Variants in ABCA9 observed in about 807,000 individuals in gnomAD.
ABCA9 encodes ATP-binding cassette sub-family A member 9.
A neutral mutation model predicts 205.3 loss-of-function variants in ABCA9; 183 were observed. The observed-to-expected ratio is 0.89, with a 90% CI of 0.79 to 1.01. ABCA9 has a LOEUF of 1.01. Ranked by LOEUF, ABCA9 falls within the 50% of genes least tolerant of loss-of-function variation. ABCA9 has a pLI of 0.00. For missense variants in ABCA9, 1,805 were observed against 1,912.4 expected (o/e 0.94, Z 1.05); for synonymous variants, 651 against 683.3 (o/e 0.95, Z 0.74).
At chr17:69,052,414 A>G (rs953967910) in intron 1 of ABCA9, among the ~76,000 whole-genome samples, 2 of 152,112 alleles carry the variant, frequency 1.3e-5, no homozygotes, top group African/African-American at 4.8e-5. Flanking sequence ...ACTAGAAGGT[A>G]AAAAAGAAAA....
upstream of ABCA9, among the ~76,000 whole-genome samples, chr17:69,062,759 C>G (rs921545275): frequency 2.6e-5 from 4 of 152,088 alleles, no homozygotes; most frequent in African/African-American, 9.7e-5. Context: ...ATGATGCACC[C>G]ACCTTGGCCC....
chr17:68,989,254 TCTCACACACACACA>T, intron 30 of ABCA9, 136 bp from the exon 31 acceptor site: 1 of 416,902 alleles, frequency 2.4e-6, no homozygotes, highest in Non-Finnish European at 4.3e-6. Context: ...TCTCTCTCTC[TCTCACACACACACA>T]CACACACACA....
At position 68,989,842 on chromosome 17, in the gene ABCA9, GT is replaced by G. The variant is rs1567918978; in HGVS notation, c.3925del (p.Thr1309GlnfsTer14). On this transcript the variant is annotated frameshift_variant, in exon 30 of 39. Transcript: ENST00000340001. LOFTEE classifies it high-confidence loss of function. ...CFSKRKKKIATRNVSFCVKKG... is the reference protein window; with the variant it reads ...CFSKRKKKIAXRNVSFCVKKG... ...TTTAACACAAAAAGAGACATTTCTT[GT>G]GGCAATTTTTTTCTTCCTTTTAGAA... The G allele has an allele frequency of 6.2e-7, 1 of 1,606,276 alleles. No homozygotes were observed. Among genetic ancestry groups the G allele is most frequent in the East Asian group, 2.2e-5 (1 of 44,796 alleles).
intron 26 of ABCA9, 76 bp downstream of exon 26, chr17:68,995,813 CTATCTA>C (rs775658466): frequency 1.1e-4 from 165 of 1,541,268 alleles, no homozygotes; most frequent in Non-Finnish European, 1.4e-4. Context: ...GCTGAGGACT[CTATCTA>C]TATTTTTGCA....
At chr17:69,063,707 G>A (rs983903109), upstream of ABCA9, among the ~76,000 whole-genome samples, 1 of 151,980 alleles carries the variant, frequency 6.6e-6, no homozygotes, top group African/African-American at 2.4e-5. Context: ...CAAGTAGCTG[G>A]AACTACAGGC....
rs144122311 is a variant in ABCA9, at chr17:69,011,989, A to T, written c.3134T>A (p.Ile1045Asn). Reference protein sequence around the residue: ...SFTPYIAMSSIGDYKKKAHSQ... With the variant: ...SFTPYIAMSSNGDYKKKAHSQ... ...AACTCTTCTTACTTTGTAGTCACCAATGCTGCTCATTGCAATGTATGGAGT... is the reference window on the plus strand; with the variant it reads ...AACTCTTCTTACTTTGTAGTCACCATTGCTGCTCATTGCAATGTATGGAGT... The change falls in exon 23 of 39, where the codon ATT (isoleucine) becomes AAT (asparagine). Residue 1045 changes from isoleucine to asparagine, a missense_variant. Transcript: ENST00000340001. 33 of 1,611,758 alleles carry T rather than the reference A, an allele frequency of 2.0e-5. 1 individual carries two copies. The Middle Eastern group carries it at 1.3e-3, about 65-fold the overall frequency.
At chr17:68,984,851 A>G (rs1318737155) in intron 34 of ABCA9, 34 bp downstream of exon 34, 1 of 1,613,682 alleles carries the variant, frequency 6.2e-7, no homozygotes, top group South Asian at 1.1e-5. Context: ...GGATCAATAC[A>G]CTCATGCAGA....
chr17:69,020,330 C>G, intron 19 of ABCA9, 58 bp downstream of exon 19: 1 of 1,483,666 alleles, frequency 6.7e-7, no homozygotes, highest in Non-Finnish European at 9.1e-7. Context: ...ATGTTTTGCT[C>G]TCTTAAATTT....
chr17:69,004,260 T>C (rs2070018430), intron 25 of ABCA9, among the ~76,000 whole-genome samples: 2 of 152,212 alleles, frequency 1.3e-5, no homozygotes, highest in Admixed American at 6.5e-5. Context: ...TATCTACTTT[T>C]GGTCTTTGAT....
intron 2 of ABCA9, among the ~76,000 whole-genome samples, chr17:69,050,796 T>G (rs545348268): frequency 6.6e-6 from 1 of 152,218 alleles, no homozygotes; most frequent in East Asian, 1.9e-4. Flanking sequence ...TTTCTGAATA[T>G]GAATTTTTAA....
At position 69,021,824 on chromosome 17, in the gene ABCA9, G is replaced by A. The variant is rs1457352390; in HGVS notation, c.2319C>T (p.Gly773=). Residue 773 remains glycine, a synonymous_variant, in exon 18 of 39, where the codon GGC becomes GGT. Coordinates refer to ENST00000340001, the MANE Select transcript of ABCA9 (RefSeq NM_080283.4). ...YRDLDRCSNQ[G]IEDYGVSITT... ...TTATGGAAACACCATAATCCTCAAT[G>A]CCTTGGTTAGAACATCTATCAAGAT... is the stretch of plus-strand genomic sequence containing the variant. 2 of 1,588,956 alleles carry A rather than the reference G, an allele frequency of 1.3e-6. No individual in the cohort carries two copies. The highest frequency in any genetic ancestry group is 1.7e-6 in the Non-Finnish European group (2 of 1,165,954).
At chr17:69,075,912 ATTC>A in the ABCA9 span, among the ~76,000 whole-genome samples, 1 of 152,050 alleles carries the variant, frequency 6.6e-6, no homozygotes, top group Non-Finnish European at 1.5e-5. Flanking sequence ...GTGTTTTGTA[ATTC>A]TTCTTACAGA....
At chr17:69,052,776 T>C (rs1168073801) in intron 1 of ABCA9, among the ~76,000 whole-genome samples, 2 of 152,184 alleles carry the variant, frequency 1.3e-5, no homozygotes, top group Non-Finnish European at 2.9e-5. Flanking sequence ...CCACTTCAGA[T>C]GCCAGTCAGA....
rs539346775 is a variant in ABCA9 at position 69,057,141 on chromosome 17, G to A, written c.-14+3725C>T. Among the ~76,000 whole-genome samples the A allele has an allele frequency of 9.2e-5, 14 of 152,314 alleles. No homozygotes were observed. In the South Asian group the frequency reaches 2.9e-3, roughly 32 times the overall value. On this transcript the variant is annotated intron_variant, in intron 1 of 38. Coordinates refer to ENST00000340001, the MANE Select transcript of ABCA9 (RefSeq NM_080283.4). The stretch of plus-strand genomic sequence containing the variant: ...CCAAACTAATCTTCACATCTATGAT[G>A]GCTATAACCTTCCTATACATATGTG...
chr17:69,069,043 A>C, the ABCA9 span, among the ~76,000 whole-genome samples: 1 of 152,244 alleles, frequency 6.6e-6, no homozygotes, highest in East Asian at 1.9e-4. Flanking sequence ...ATTAATTAAA[A>C]ATCAATAAAA....
Position 69,042,011 on chromosome 17 carries a change from G to A in ABCA9, c.800+1478C>T, listed in dbSNP as rs979446541. ...CATTCTACATATCTTATTTAACAGG[G>A]AGATAATATCACAGTGTGTAAAGGG... On this transcript the variant is annotated intron_variant, in intron 6 of 38. Transcript: ENST00000340001. Among the ~76,000 whole-genome samples the A allele has an allele frequency of 7.2e-5, 11 of 152,240 alleles. No homozygotes were observed. In the East Asian group the frequency reaches 2.1e-3, roughly 29 times the overall value.
At position 68,986,154 on chromosome 17, in the gene ABCA9, T is replaced by C. The variant is rs1326044901; in HGVS notation, c.4208+10A>G. 1 of 1,594,342 alleles carries C rather than the reference T, an allele frequency of 6.3e-7. No individual in the cohort carries two copies. The highest frequency in any genetic ancestry group is 8.5e-7 in the Non-Finnish European group (1 of 1,170,040). ...TCCAGCAAAGGGGAGTGCCCCCCAG[T>C]CCCAGGTACCGTGTGATGGCGATCA... On this transcript the variant is annotated intron_variant, in intron 32 of 38. Coordinates refer to ENST00000340001, the MANE Select transcript of ABCA9 (RefSeq NM_080283.4).
intron 10 of ABCA9, among the ~76,000 whole-genome samples, chr17:69,031,802 A>G (rs1336241202): frequency 6.6e-6 from 1 of 152,218 alleles, no homozygotes; most frequent in Non-Finnish European, 1.5e-5. Flanking sequence ...TCACAAAGAG[A>G]ACAACTCAGG....
chr17:69,036,871 C>CAAAAAAAAAAAAAAAAAAAAAAAAAA (rs781565554), intron 6 of ABCA9, among the ~76,000 whole-genome samples: 1 of 4,708 alleles, frequency 2.1e-4, no homozygotes, highest in Non-Finnish European at 4.2e-4. Flanking sequence ...AAATGGAAAG[C>CAAAAAAAAAAAAAAAAAAAAAAAAAA]AAAAAAAAAA....
Sources: gnomAD v4.1 joint callset for allele counts (sites outside exome capture counted in the v4.1 genomes callset) on GRCh38, gnomAD v4.1.1 for gene constraint, MANE v1.5 for transcripts, NCBI Gene and HGNC (gene_info 2026-07-23, HGNC 2026-07-21) for gene names.